The following PACRG variants were observed in gnomAD, a reference collection of about 807,000 sequenced individuals.
PACRG encodes parkin coregulated, also known as parkin coregulated gene protein.
PACRG carries 29 observed loss-of-function variants against 29.7 expected under a neutral mutation model. That is an observed-to-expected ratio of 0.98 (90% CI 0.73 to 1.33). The LOEUF is 1.33. PACRG is among the 40% of genes most tolerant of loss of function. The pLI is 0.00. For missense variants in PACRG, 279 were observed against 316.2 expected (o/e 0.88, Z 0.89); for synonymous variants, 116 against 118.7 (o/e 0.98, Z 0.15).
At chr6:163,040,045 C>T (rs1417784292) in intron 2 of PACRG, among the ~76,000 whole-genome samples, 1 of 152,172 alleles carries the variant, frequency 6.6e-6, no homozygotes, top group African/African-American at 2.4e-5. Flanking sequence ...CATCACAGGC[C>T]TTGAGGTCTA....
chr6:163,297,486 C>G (rs1784819272), intron 4 of PACRG, among the ~76,000 whole-genome samples: 1 of 152,136 alleles, frequency 6.6e-6, no homozygotes, highest in South Asian at 2.1e-4. Context: ...TCTCCCAGGA[C>G]CTAGTGAGCT....
chr6:162,756,510 C>A (rs13211655), intron 1 of PACRG, among the ~76,000 whole-genome samples: 1 of 151,956 alleles, frequency 6.6e-6, no homozygotes, highest in Non-Finnish European at 1.5e-5. Flanking sequence ...TTTTCCAGGC[C>A]TACATTTTCA....
At chr6:162,957,421 C>T in intron 2 of PACRG, 1 of 529,146 alleles carries the variant, frequency 1.9e-6, no homozygotes, top group Non-Finnish European at 3.5e-6. Flanking sequence ...ACGGACCCCT[C>T]AAAGTCTGCC....
At chr6:163,243,283 G>A (rs1006058484) in intron 4 of PACRG, among the ~76,000 whole-genome samples, 1 of 152,228 alleles carries the variant, frequency 6.6e-6, no homozygotes, top group Non-Finnish European at 1.5e-5. Context: ...CAGTCACTGT[G>A]AGGACAGAAG....
chr6:162,938,570 T>G (rs1244548635), intron 2 of PACRG, among the ~76,000 whole-genome samples: 3 of 152,160 alleles, frequency 2.0e-5, no homozygotes, highest in African/African-American at 7.2e-5. Context: ...TTTAAGGAAC[T>G]GCCACACTGT....
chr6:163,220,566 A>T (rs1373982027), intron 4 of PACRG, among the ~76,000 whole-genome samples: 1 of 152,234 alleles, frequency 6.6e-6, no homozygotes, highest in Admixed American at 6.5e-5. Context: ...TTTCCATAAT[A>T]TATGATAAAT....
chr6:163,297,647 G>A (rs757499378), intron 4 of PACRG, among the ~76,000 whole-genome samples: 3 of 152,080 alleles, frequency 2.0e-5, no homozygotes, highest in Non-Finnish European at 4.4e-5. Flanking sequence ...TATCATGAAT[G>A]TTTACATTGA....
At chr6:162,799,541 T>G (rs1785674592) in intron 1 of PACRG, among the ~76,000 whole-genome samples, 2 of 152,172 alleles carry the variant, frequency 1.3e-5, no homozygotes, top group Non-Finnish European at 2.9e-5. Context: ...TAAATCATAA[T>G]CAGAGTATTT....
intron 2 of PACRG, among the ~76,000 whole-genome samples, chr6:162,941,068 T>TG (rs1562758087): frequency 3.0e-5 from 4 of 133,650 alleles, no homozygotes; most frequent in African/African-American, 1.2e-4. Flanking sequence ...GTGTGTGTGT[T>TG]TGTGTGTGTG....
chr6:163,123,442 C>T (rs754933858), intron 4 of PACRG, among the ~76,000 whole-genome samples: 8 of 152,148 alleles, frequency 5.3e-5, no homozygotes, highest in Non-Finnish European at 1.0e-4. Context: ...TTTGGGGGGT[C>T]GCTTTTTATT....
At chr6:163,259,877 A>AGG (rs1046234433) in intron 4 of PACRG, among the ~76,000 whole-genome samples, 3 of 152,192 alleles carry the variant, frequency 2.0e-5, no homozygotes, top group Non-Finnish European at 4.4e-5. Context: ...CTGAGGGATG[A>AGG]GGGGCGGGCA....
At chr6:162,980,189 C>T (rs536273831) in intron 2 of PACRG, among the ~76,000 whole-genome samples, 35 of 151,698 alleles carry the variant, frequency 2.3e-4, no homozygotes, top group South Asian at 1.0e-3. Context: ...CACACACACA[C>T]GCACACACAC....
At chr6:163,221,744 G>A (rs776584393) in intron 4 of PACRG, among the ~76,000 whole-genome samples, 2 of 152,234 alleles carry the variant, frequency 1.3e-5, no homozygotes, top group Non-Finnish European at 2.9e-5. Context: ...CTGCAGTTCA[G>A]TGGGCTTGCT....
intron 4 of PACRG, among the ~76,000 whole-genome samples, chr6:163,163,246 T>C (rs1778635002): frequency 6.6e-6 from 1 of 150,888 alleles, no homozygotes. Context: ...CAGCTCCACA[T>C]GGTTTTTTTT....
chr6:163,111,665 C>A lies in PACRG; in HGVS notation c.613+22257C>A, dbSNP rs552457313. 2.0e-5 allele frequency among the ~76,000 whole-genome samples: 3 copies of A among 152,290 alleles called. No homozygotes were observed. In the East Asian group the frequency reaches 5.8e-4, roughly 29 times the overall value. ...AGAGCTGATGGTTTTCTTAATGTGT[C>A]ATTGTTATAGAACATGCCTGTGATT... On this transcript the variant is annotated intron_variant, in intron 4 of 4. Coordinates refer to ENST00000366888, the MANE Select transcript of PACRG (RefSeq NM_001080379.2).
chr6:162,894,618 G>T (rs1795027191), intron 2 of PACRG, among the ~76,000 whole-genome samples: 1 of 152,110 alleles, frequency 6.6e-6, no homozygotes, highest in South Asian at 2.1e-4. Context: ...AAGGCTTCTC[G>T]ATATTCTAAG....
intron 4 of PACRG, among the ~76,000 whole-genome samples, chr6:163,111,297 G>A (rs1396765692): frequency 6.6e-6 from 1 of 152,148 alleles, no homozygotes; most frequent in Non-Finnish European, 1.5e-5. Flanking sequence ...CCTTGTAAAC[G>A]CTGGCAAAAT....
intron 4 of PACRG, among the ~76,000 whole-genome samples, chr6:163,093,561 G>T (rs1814307788): frequency 1.3e-5 from 2 of 152,170 alleles, no homozygotes; most frequent in African/African-American, 2.4e-5. Flanking sequence ...TTTACAGCTG[G>T]AATATGGGCT....
Position 162,741,544 on chromosome 6 carries a change from C to A in PACRG, c.156+13153C>A. Among the ~76,000 whole-genome samples, 2 of 152,030 alleles carry A rather than the reference C, an allele frequency of 1.3e-5. 1 individual carries two copies. The highest frequency in any genetic ancestry group is 2.9e-5 in the Non-Finnish European group (2 of 68,002). ...CTCTCTCTCTCTCTTTCTTGTAGAG[C>A]CACTAATCCTGGCCTAAAGGCCCCA... On this transcript the variant is annotated intron_variant, in intron 1 of 4. Transcript: ENST00000366888.
Sources: gnomAD v4.1 joint callset for allele counts (sites outside exome capture counted in the v4.1 genomes callset) on GRCh38, gnomAD v4.1.1 for gene constraint, MANE v1.5 for transcripts, NCBI Gene and HGNC (gene_info 2026-07-23, HGNC 2026-07-21) for gene names.